The following HDAC4 variants were observed in gnomAD, a reference collection of about 807,000 sequenced individuals.
HDAC4 encodes the protein histone deacetylase 4.
Under a neutral mutation model 135.1 loss-of-function variants are expected in HDAC4, and 16 were observed. That is an observed-to-expected ratio of 0.12 (90% CI 0.08 to 0.18). HDAC4 has a LOEUF of 0.18. Ranked by LOEUF, HDAC4 falls within the 10% of genes least tolerant of loss-of-function variation. HDAC4 has a pLI of 1.00. For missense variants in HDAC4, 1,143 were observed against 1,511.8 expected (o/e 0.76, Z 4.05); for synonymous variants, 685 against 653.4 (o/e 1.05, Z -0.74).
intron 2 of HDAC4, among the ~76,000 whole-genome samples, chr2:239,319,943 T>G (rs999657503): frequency 6.6e-6 from 1 of 152,260 alleles, no homozygotes; most frequent in African/African-American, 2.4e-5. Flanking sequence ...AATGTCCTTG[T>G]AGTGGTCTCT....
intron 2 of HDAC4, among the ~76,000 whole-genome samples, chr2:239,246,636 AG>A (rs1211252823): frequency 6.6e-6 from 1 of 152,186 alleles, no homozygotes; most frequent in East Asian, 1.9e-4. Flanking sequence ...CGTTTCCTGG[AG>A]GGAGTGTCTC....
chr2:239,185,982 T>G (rs1462411978), intron 4 of HDAC4, among the ~76,000 whole-genome samples: 1 of 152,000 alleles, frequency 6.6e-6, no homozygotes, highest in African/African-American at 2.4e-5. Context: ...TGAAGTGAAC[T>G]GAGATGGCAC....
rs572929680 is a variant in HDAC4 at position 239,297,769 on chromosome 2, G to A, written c.22+54909C>T. Among the ~76,000 whole-genome samples the A allele has an allele frequency of 4.6e-5, 7 of 152,322 alleles. No individual in the cohort carries two copies. In the East Asian group the frequency reaches 9.6e-4, roughly 21 times the overall value. On this transcript the variant is annotated intron_variant, in intron 2 of 26. Coordinates refer to ENST00000543185, the MANE Select transcript of HDAC4 (RefSeq NM_001378414.1). ...ACCTGACACAGGGCTGTGCCACAAC[G>A]AAGGCCACAAATGCAAAAAGAAAAT...
rs1359217336 is a variant in HDAC4, at chr2:239,049,004, GAAAC to G, written c.*4089_*4092del. Reference sequence around the variant, plus strand: ...CCTGGCCCGTGGAAGGAGATAAAAGGAAACAAACAAAACAAAACAAAACAAAATT... The same window carrying G: ...CCTGGCCCGTGGAAGGAGATAAAAGGAAACAAAACAAAACAAAACAAAATT... On this transcript the variant is annotated 3_prime_UTR_variant, in exon 27 of 27. Coordinates refer to ENST00000543185, the MANE Select transcript of HDAC4 (RefSeq NM_001378414.1). 2.0e-5 allele frequency: 3 copies of G among 151,986 alleles called. No individual in the cohort carries two copies. The highest frequency in any genetic ancestry group is 2.9e-5 in the Non-Finnish European group (2 of 68,016). The allele number at this position is 151,986 out of a possible 1,614,324, so 9.4% of individuals were successfully genotyped here.
At chr2:239,060,497 G>C (rs942246840) in intron 24 of HDAC4, among the ~76,000 whole-genome samples, 1 of 152,232 alleles carries the variant, frequency 6.6e-6, no homozygotes, top group Non-Finnish European at 1.5e-5. Context: ...CAGATGCGGG[G>C]CTGCTCTGCC....
intron 1 of HDAC4, among the ~76,000 whole-genome samples, chr2:239,373,253 G>A (rs1254067322): frequency 6.6e-6 from 1 of 152,102 alleles, no homozygotes; most frequent in Non-Finnish European, 1.5e-5. Context: ...CCCTTGTAAT[G>A]GACACCATCT....
chr2:239,225,737 C>A (rs1019065268), intron 3 of HDAC4, among the ~76,000 whole-genome samples: 7 of 29,772 alleles, frequency 2.4e-4, no homozygotes, highest in African/African-American at 1.0e-3. Context: ...TCGCCCGTGG[C>A]CACGTACTGC....
Position 239,115,347 on chromosome 2 carries a change from TG to T in HDAC4, c.1534-38del. 1 of 1,611,986 alleles carries T rather than the reference TG, an allele frequency of 6.2e-7. No homozygotes were observed. Among genetic ancestry groups the T allele is most frequent in the Non-Finnish European group, 8.5e-7 (1 of 1,179,478 alleles). On this transcript the variant is annotated intron_variant, in intron 12 of 26. Transcript: ENST00000543185. The surrounding 1 kb of genome is among the most constrained non-coding windows in gnomAD (Gnocchi z 6.3). ...AGGTAACACATGAAGCACAGAGAGCTGGGTCCTCTGAGCTCATCTGACAGGA... is the reference window on the plus strand; with the variant it reads ...AGGTAACACATGAAGCACAGAGAGCTGGTCCTCTGAGCTCATCTGACAGGA...
At chr2:239,190,785 G>C (rs1416723620) in intron 3 of HDAC4, among the ~76,000 whole-genome samples, 1 of 152,222 alleles carries the variant, frequency 6.6e-6, no homozygotes, top group East Asian at 1.9e-4. Context: ...TTGAGAAAAG[G>C]CTACAAGTAA....
chr2:239,301,340 G>C (rs534773723), intron 2 of HDAC4, among the ~76,000 whole-genome samples: 3 of 152,140 alleles, frequency 2.0e-5, no homozygotes, highest in Non-Finnish European at 2.9e-5. Flanking sequence ...CTGAGTCCTC[G>C]ATCTGCTCTC....
Position 239,233,566 on chromosome 2 carries a change from C to T in HDAC4, c.94+3027G>A, listed in dbSNP as rs76682341. Among the ~76,000 whole-genome samples, 1,000 of 152,248 alleles carry T rather than the reference C, an allele frequency of 6.6e-3. 21 individuals carry two copies. In the East Asian group the frequency reaches 0.074, roughly 11 times the overall value. On this transcript the variant is annotated intron_variant, in intron 3 of 26. Coordinates refer to ENST00000543185, the MANE Select transcript of HDAC4 (RefSeq NM_001378414.1). ...TTCCCAAAGCACATGATATGCTCACCTGACGTTTCTAAAATCTCAAGATGG... is the reference window on the plus strand; with the variant it reads ...TTCCCAAAGCACATGATATGCTCACTTGACGTTTCTAAAATCTCAAGATGG...
intron 2 of HDAC4, among the ~76,000 whole-genome samples, chr2:239,248,631 A>G (rs1232696509): frequency 6.6e-6 from 1 of 152,254 alleles, no homozygotes; most frequent in Non-Finnish European, 1.5e-5. Flanking sequence ...AACTCCTAGC[A>G]GGAGCTGACG....
rs187773537 is a variant in HDAC4, at chr2:239,078,164, G to A, written c.2750+2931C>T. 2.6e-4 allele frequency among the ~76,000 whole-genome samples: 40 copies of A among 152,202 alleles called. 1 individual carries two copies. The East Asian group carries it at 6.6e-3, about 25-fold the overall frequency. On this transcript the variant is annotated intron_variant, in intron 22 of 26. Coordinates refer to ENST00000543185, the MANE Select transcript of HDAC4 (RefSeq NM_001378414.1). ...CTCCCTACAAGCCCCCACCCCCAGC[G>A]GCTCAGACTTTACTCAGCAACTTCA...
rs566316265 is a variant in HDAC4 at position 239,187,906 on chromosome 2, T to C, written c.339+1927A>G. On this transcript the variant is annotated intron_variant, in intron 4 of 26. Transcript: ENST00000543185. Reference sequence around the variant, plus strand: ...ATCTGAAGGCAAAAACGATAAAGCATGGACTTCAAGAGCTCAGGAAAGTGT... The same window carrying C: ...ATCTGAAGGCAAAAACGATAAAGCACGGACTTCAAGAGCTCAGGAAAGTGT... 1.1e-3 allele frequency among the ~76,000 whole-genome samples: 175 copies of C among 152,308 alleles called. 1 individual carries two copies. The highest frequency in any genetic ancestry group is 4.0e-3 in the African/African-American group (165 of 41,564).
At chr2:239,220,671 A>G (rs867490210) in intron 3 of HDAC4, among the ~76,000 whole-genome samples, 9 of 152,298 alleles carry the variant, frequency 5.9e-5, no homozygotes, top group African/African-American at 1.9e-4. Context: ...GGCTACCACA[A>G]TGATCAACCT....
intron 2 of HDAC4, among the ~76,000 whole-genome samples, chr2:239,241,004 C>G (rs749888538): frequency 4.4e-4 from 67 of 152,310 alleles, no homozygotes; most frequent in Non-Finnish European, 8.4e-4. Flanking sequence ...CCCAGGCCCC[C>G]CACTTCACAC....
Position 239,267,261 on chromosome 2 carries a change from C to G in HDAC4, c.23-30597G>C, listed in dbSNP as rs189388452. On this transcript the variant is annotated intron_variant, in intron 2 of 26. Transcript: ENST00000543185. ...ATCCACTGCACCTATAATTACACTT[C>G]GTAAACACTAATCCGTGACCATGGA... 1.3e-3 allele frequency among the ~76,000 whole-genome samples: 191 copies of G among 152,314 alleles called. 3 individuals carry two copies. Among genetic ancestry groups the G allele is most frequent in the Non-Finnish European group, 9.6e-4 (65 of 68,028 alleles).
chr2:239,287,593 G>A (rs2051208989), intron 2 of HDAC4, among the ~76,000 whole-genome samples: 1 of 152,200 alleles, frequency 6.6e-6, no homozygotes, highest in African/African-American at 2.4e-5. Flanking sequence ...ACTAATGGGA[G>A]CTGCACATCC....
chr2:239,212,462 T>C (rs1479070223), intron 3 of HDAC4, among the ~76,000 whole-genome samples: 2 of 151,974 alleles, frequency 1.3e-5, no homozygotes, highest in African/African-American at 2.4e-5. Context: ...ACAGCAGCCA[T>C]AGAATTCTGG....
Sources: allele counts gnomAD v4.1 joint callset (sites outside exome capture counted in the v4.1 genomes callset), GRCh38; gene constraint gnomAD v4.1.1; non-coding constraint Gnocchi (gnomAD v3.1); transcripts MANE v1.5; gene names NCBI Gene and HGNC (gene_info 2026-07-23, HGNC 2026-07-21).